USO1: variants seen among roughly 807,000 people sequenced by gnomAD.
USO1 encodes USO1 vesicle transport factor, also known as general vesicular transport factor p115.
In USO1, 57 loss-of-function variants were observed where a neutral mutation model predicts 124.5. The ratio of observed to expected loss-of-function variants is 0.46; its 90% CI spans 0.37 to 0.57. The LOEUF is 0.57. Ranked by LOEUF, USO1 falls within the 20% of genes least tolerant of loss-of-function variation. USO1 has a pLI of 0.00. For missense variants in USO1, 900 were observed against 1,040.6 expected (o/e 0.86, Z 1.86); for synonymous variants, 369 against 362.8 (o/e 1.02, Z -0.19).
chr4:75,812,721 A>G (rs1429473277), intron 23 of USO1, among the ~76,000 whole-genome samples: 1 of 152,192 alleles, frequency 6.6e-6, no homozygotes, highest in Admixed American at 6.5e-5. Context: ...TTTATCAGCA[A>G]AGTTAACTGA....
chr4:75,736,806 A>C (rs927904191), intron 1 of USO1, among the ~76,000 whole-genome samples: 1 of 152,248 alleles, frequency 6.6e-6, no homozygotes, highest in African/African-American at 2.4e-5. Context: ...AGCATAATAT[A>C]GATTAGTCAA....
chr4:75,733,151 T>C (rs895196557), intron 1 of USO1, among the ~76,000 whole-genome samples: 1 of 151,450 alleles, frequency 6.6e-6, no homozygotes, highest in Non-Finnish European at 1.5e-5. Context: ...CCCAGCTACT[T>C]GGGAGGCTGA....
In USO1 at chr4:75,800,648, G is replaced by T. The variant is rs1377410503; in HGVS notation, c.1713G>T (p.Arg571Ser). The T allele has an allele frequency of 6.3e-7, 1 of 1,584,884 alleles. No homozygotes were observed. Residue 571 changes from arginine (R) to serine (S), a missense_variant, in exon 16 of 24, where the codon AGG becomes AGT. Transcript: ENST00000514213. ...AGCTAAAACAACTGATTGAGAAGAG[G>T]ATTGGCAAAGAGAATTTCATAGAGA... Reference protein sequence around the residue: ...KEKLKQLIEKRIGKENFIEKL... With the variant: ...KEKLKQLIEKSIGKENFIEKL...
At chr4:75,741,036 AG>A (rs1720945273) in intron 1 of USO1, among the ~76,000 whole-genome samples, 1 of 152,208 alleles carries the variant, frequency 6.6e-6, no homozygotes, top group Non-Finnish European at 1.5e-5. Flanking sequence ...ATGCATTATT[AG>A]GCAGTTTTGT....
chr4:75,776,781 C>T (rs562656976), intron 8 of USO1, among the ~76,000 whole-genome samples: 113 of 152,200 alleles, frequency 7.4e-4, no homozygotes, highest in Non-Finnish European at 1.5e-3. Flanking sequence ...AGATGAGGAT[C>T]CATATGGTTC....
chr4:75,805,386 C>T (rs11728073), intron 19 of USO1, 83 bp downstream of exon 19: 858,319 of 1,433,166 alleles, frequency 0.6, 261,205 homozygotes, highest in East Asian at 0.83. Flanking sequence ...CCTTGGATCT[C>T]TTAAGCCAGA....
chr4:75,778,737 A>G (rs544434859), intron 8 of USO1, among the ~76,000 whole-genome samples: 83 of 152,342 alleles, frequency 5.4e-4, no homozygotes, highest in African/African-American at 1.8e-3. Context: ...ATAGAACTTT[A>G]TAGCACAGAG....
At chr4:75,791,891 A>G (rs1722542907) in intron 12 of USO1, among the ~76,000 whole-genome samples, 1 of 152,130 alleles carries the variant, frequency 6.6e-6, no homozygotes, top group East Asian at 1.9e-4. Flanking sequence ...AAAATGTGGC[A>G]TTTCCTTAAG....
chr4:75,755,570 C>T (rs1346890096), intron 3 of USO1: 2 of 503,836 alleles, frequency 4.0e-6, no homozygotes, highest in Non-Finnish European at 7.9e-6. Flanking sequence ...TGCCCAGCTG[C>T]TTGTCCATAA....
chr4:75,786,381 G>A (rs1001356143), intron 9 of USO1, among the ~76,000 whole-genome samples: 5 of 152,110 alleles, frequency 3.3e-5, no homozygotes, highest in African/African-American at 1.2e-4. Context: ...TGATTTAGAA[G>A]ATTTTGCACA....
chr4:75,806,333 G>C (rs1422711625), intron 19 of USO1, among the ~76,000 whole-genome samples, 153 bp from the exon 20 acceptor site: 3 of 152,182 alleles, frequency 2.0e-5, no homozygotes, highest in Non-Finnish European at 4.4e-5. Context: ...TATGTGCTGT[G>C]TTGGAATTTT....
intron 23 of USO1, 90 bp downstream of exon 23, chr4:75,812,465 C>A: frequency 6.8e-7 from 1 of 1,469,154 alleles, no homozygotes; most frequent in Non-Finnish European, 9.0e-7. Context: ...AAAAGTTGTG[C>A]CTGTATTATA....
intron 4 of USO1, among the ~76,000 whole-genome samples, chr4:75,766,030 C>G (rs1201848450): frequency 6.6e-6 from 1 of 152,156 alleles, no homozygotes; most frequent in African/African-American, 2.4e-5. Context: ...GAAGTAGTGA[C>G]TGCTTCCCGA....
At chr4:75,739,126 A>G (rs1720882658) in intron 1 of USO1, among the ~76,000 whole-genome samples, 1 of 152,200 alleles carries the variant, frequency 6.6e-6, no homozygotes, top group African/African-American at 2.4e-5. Flanking sequence ...TGCTGAGATT[A>G]CAGGCGTGAG....
intron 7 of USO1, among the ~76,000 whole-genome samples, chr4:75,772,834 T>C (rs1475738663): frequency 5.3e-5 from 8 of 152,126 alleles, no homozygotes; most frequent in African/African-American, 1.9e-4. Flanking sequence ...TGGTGGCTTA[T>C]ATCTGTAATC....
chr4:75,774,536 T>C, intron 7 of USO1, 140 bp from the exon 8 acceptor site: 1 of 990,838 alleles, frequency 1.0e-6, no homozygotes, highest in Non-Finnish European at 1.4e-6. Context: ...ACTATTCTGT[T>C]CTTGTTTTCC....
intron 1 of USO1, among the ~76,000 whole-genome samples, chr4:75,742,449 G>A (rs530397632): frequency 2.0e-5 from 3 of 152,016 alleles, no homozygotes; most frequent in East Asian, 1.9e-4. Flanking sequence ...TTTAACAGTG[G>A]GTTTTGGAGA....
chr4:75,774,881 A>G, intron 8 of USO1, 85 bp downstream of exon 8: 1 of 1,458,840 alleles, frequency 6.9e-7, no homozygotes, highest in South Asian at 1.6e-5. Context: ...GGAGGGAGAA[A>G]TGGGGACTCT....
chr4:75,775,765 C>A (rs1342793716), intron 8 of USO1, among the ~76,000 whole-genome samples: 5 of 152,048 alleles, frequency 3.3e-5, no homozygotes, highest in Non-Finnish European at 4.4e-5. Flanking sequence ...TATTCCACTT[C>A]TGTAGAGTGG....
Sources: gnomAD v4.1 joint callset for allele counts (sites outside exome capture counted in the v4.1 genomes callset) on GRCh38, gnomAD v4.1.1 for gene constraint, MANE v1.5 for transcripts, NCBI Gene and HGNC (gene_info 2026-07-23, HGNC 2026-07-21) for gene names.